Variants in HDAC4 observed in about 807,000 individuals in gnomAD.
HDAC4 encodes histone deacetylase A.
A neutral mutation model predicts 135.1 loss-of-function variants in HDAC4; 16 were observed. The observed-to-expected ratio is 0.12, with a 90% confidence interval of 0.08 to 0.18. HDAC4 has a LOEUF of 0.18. HDAC4 is among the 10% of genes least tolerant of loss of function. The pLI is 1.00. For synonymous variants in HDAC4, 685 were observed against 653.4 expected (o/e 1.05, Z -0.74); for missense variants, 1,143 against 1,511.8 (o/e 0.76, Z 4.05).
rs2039044262 is a variant in HDAC4 at position 239,115,451 on chromosome 2, G to A, written c.1534-141C>T. 1 of 1,024,594 alleles carries A rather than the reference G, an allele frequency of 9.8e-7. No homozygotes were observed. Among genetic ancestry groups the A allele is most frequent in the Non-Finnish European group, 1.4e-6 (1 of 701,460 alleles). The allele number at this position is 1,024,594 out of a possible 1,614,324, so 63.5% of individuals were successfully genotyped here. A position where few individuals can be genotyped will look rare whatever the true frequency, so the allele number is the denominator to read the frequency against. The stretch of plus-strand genomic sequence containing the variant: ...CACCTTATCACCCTGCCACAGGCCA[G>A]CAGGCACCTTTATCTCCCAACAGGC... On this transcript the variant is annotated intron_variant, in intron 12 of 26. Transcript: ENST00000543185. This position sits in a 1 kb window ranked among gnomAD's most constrained non-coding sequence, Gnocchi z 6.3.
chr2:239,249,922 G>A (rs936648567), intron 2 of HDAC4, among the ~76,000 whole-genome samples: 11 of 152,296 alleles, frequency 7.2e-5, no homozygotes, highest in East Asian at 5.8e-4. Flanking sequence ...TGGTTCTGCC[G>A]TCTCTCACCC....
rs768199080 is a variant in HDAC4, at chr2:239,084,249, G to A, written c.2445-7C>T. 1.2e-6 allele frequency: 2 copies of A among 1,605,534 alleles called. No homozygotes were observed. The highest frequency in any genetic ancestry group is 4.5e-5 in the East Asian group (2 of 44,568). ...GTTGAAGTAGCAAAAGCCCCTGCGG[G>A]AGAGAACTGACGCTGGAGACGAAGC... is the stretch of plus-strand genomic sequence containing the variant. On this transcript the variant is annotated splice_polypyrimidine_tract_variant and splice_region_variant and intron_variant, in intron 19 of 26. Coordinates refer to ENST00000543185, the MANE Select transcript of HDAC4 (RefSeq NM_001378414.1).
At chr2:239,121,467 G>A (rs2039684919) in intron 12 of HDAC4, among the ~76,000 whole-genome samples, 1 of 152,218 alleles carries the variant, frequency 6.6e-6, no homozygotes, top group Non-Finnish European at 1.5e-5. Context: ...CTGTGCATCA[G>A]GAGACCTCCC....
intron 3 of HDAC4, among the ~76,000 whole-genome samples, chr2:239,215,828 G>A (rs1258194613): frequency 1.3e-5 from 2 of 152,200 alleles, no homozygotes; most frequent in African/African-American, 2.4e-5. Flanking sequence ...GGGGGTCTGC[G>A]AATCTTGGTT....
chr2:239,326,096 A>G (rs544625949), intron 2 of HDAC4, among the ~76,000 whole-genome samples: 50 of 152,292 alleles, frequency 3.3e-4, no homozygotes, highest in African/African-American at 1.2e-3. Flanking sequence ...ATTAGTCACA[A>G]TGGCCAAAAA....
rs374987780 is a variant in HDAC4, at chr2:239,082,244, T to A, written c.2533-23A>T. 356 of 1,614,020 alleles carry A rather than the reference T, an allele frequency of 2.2e-4. 1 individual carries two copies. Among genetic ancestry groups the A allele is most frequent in the Non-Finnish European group, 2.9e-4 (339 of 1,180,004 alleles). ...GTCCTTAAAGAGCAGGGACAACTAC[T>A]TCAGGGCTGAGGCAGGTATTGGAGG... On this transcript the variant is annotated intron_variant, in intron 20 of 26. Coordinates refer to ENST00000543185, the MANE Select transcript of HDAC4 (RefSeq NM_001378414.1).
At chr2:239,391,029 T>C (rs888783454) in intron 1 of HDAC4, among the ~76,000 whole-genome samples, 3 of 152,232 alleles carry the variant, frequency 2.0e-5, no homozygotes, top group South Asian at 2.1e-4. Flanking sequence ...CGTGGCACAG[T>C]GTCCATCAGA....
Position 239,167,616 on chromosome 2 carries a change from C to T in HDAC4, c.491-3693G>A, listed in dbSNP as rs543552110. ...GATTCTGACCCCCACCCCGTTTCTGCACTTCTGGTTATGCACACGCTCATC... is the reference window on the plus strand; with the variant it reads ...GATTCTGACCCCCACCCCGTTTCTGTACTTCTGGTTATGCACACGCTCATC... On this transcript the variant is annotated intron_variant, in intron 5 of 26. Transcript: ENST00000543185. The surrounding 1 kb of genome is among the most constrained non-coding windows in gnomAD (Gnocchi z 4.1). Among the ~76,000 whole-genome samples, 26 of 152,314 alleles carry T rather than the reference C, an allele frequency of 1.7e-4. No individual in the cohort carries two copies. The highest frequency in any genetic ancestry group is 3.4e-4 in the Non-Finnish European group (23 of 68,028).
rs75703262 is a variant in HDAC4 at position 239,314,273 on chromosome 2, C to T, written c.22+38405G>A. 3.8e-3 allele frequency among the ~76,000 whole-genome samples: 577 copies of T among 152,256 alleles called. 4 individuals carry two copies. The highest frequency in any genetic ancestry group is 0.013 in the African/African-American group (545 of 41,540). On this transcript the variant is annotated intron_variant, in intron 2 of 26. Transcript: ENST00000543185. ...AACCATGGGTAGCGGGAGTAAGTCC[C>T]GGAAAGACCTCAGTTGTAGGAAAAT...
chr2:239,279,840 C>T (rs918646375), intron 2 of HDAC4, among the ~76,000 whole-genome samples: 11 of 152,230 alleles, frequency 7.2e-5, no homozygotes, highest in Non-Finnish European at 1.3e-4. Context: ...CCAGCTCTCA[C>T]CGGGCTTCTC....
rs140996932 is a variant in HDAC4 at position 239,070,876 on chromosome 2, C to T, written c.2751-2269G>A. 2.7e-3 allele frequency among the ~76,000 whole-genome samples: 407 copies of T among 151,900 alleles called. 3 individuals are homozygous for T. The highest frequency in any genetic ancestry group is 8.5e-3 in the African/African-American group (353 of 41,432). ...GTGACCGCAGCCATTTAGTCCCTCC[C>T]GAAAGGACTGAGTGTCCTGGGAATC... On this transcript the variant is annotated intron_variant, in intron 22 of 26. Coordinates refer to ENST00000543185, the MANE Select transcript of HDAC4 (RefSeq NM_001378414.1).
intron 3 of HDAC4, among the ~76,000 whole-genome samples, chr2:239,229,223 T>C (rs1384774619): frequency 6.6e-6 from 1 of 152,180 alleles, no homozygotes; most frequent in Non-Finnish European, 1.5e-5. Flanking sequence ...CAAAAGTGAC[T>C]CTTAAAGCAT....
At chr2:239,283,503 A>G (rs1276771666) in intron 2 of HDAC4, among the ~76,000 whole-genome samples, 3 of 152,250 alleles carry the variant, frequency 2.0e-5, no homozygotes, top group Non-Finnish European at 4.4e-5. Context: ...CACTGCCGGC[A>G]GAGGCTAGAA....
chr2:239,078,697 C>T (rs1407924641), intron 22 of HDAC4, among the ~76,000 whole-genome samples: 1 of 152,202 alleles, frequency 6.6e-6, no homozygotes, highest in Non-Finnish European at 1.5e-5. Context: ...CTGGGCCGGC[C>T]GGGGCCTGGG....
In HDAC4 at chr2:239,084,188, C is replaced by T. The variant is rs760145533; in HGVS notation, c.2499G>A (p.Arg833=). The T allele has an allele frequency of 1.2e-6, 2 of 1,613,600 alleles. No homozygotes were observed. The highest frequency in any genetic ancestry group is 4.5e-5 in the East Asian group (2 of 44,862). ...VAVAAKLLQQ[R]LSVSKILIVD... ...CGATGAGGATCTTGCTCACGCTCAA[C>T]CTCTGCTGCAGAAGCTTGGCTGCCA... The change falls in exon 20 of 27, where the codon AGG becomes AGA. Residue 833 remains arginine (R), a synonymous_variant. Coordinates refer to ENST00000543185, the MANE Select transcript of HDAC4 (RefSeq NM_001378414.1).
rs548791627 is a variant in HDAC4, at chr2:239,260,545, C to T, written c.23-23881G>A. Reference sequence around the variant, plus strand: ...GGCCTGCTGGCCTCATCTCTCTTCCCGCCAGCAATCCCAACACTGTAGCCT... The same window carrying T: ...GGCCTGCTGGCCTCATCTCTCTTCCTGCCAGCAATCCCAACACTGTAGCCT... On this transcript the variant is annotated intron_variant, in intron 2 of 26. Coordinates refer to ENST00000543185, the MANE Select transcript of HDAC4 (RefSeq NM_001378414.1). Among the ~76,000 whole-genome samples, 13 of 152,292 alleles carry T rather than the reference C, an allele frequency of 8.5e-5. No individual in the cohort carries two copies. The East Asian group carries it at 2.3e-3, about 27-fold the overall frequency.
intron 1 of HDAC4, among the ~76,000 whole-genome samples, chr2:239,378,264 G>A (rs1302283850): frequency 6.6e-6 from 1 of 152,156 alleles, no homozygotes; most frequent in Non-Finnish European, 1.5e-5. Context: ...GAGCACCCAG[G>A]CACATAAAGT....
intron 3 of HDAC4, among the ~76,000 whole-genome samples, chr2:239,216,400 G>GCGATGAGGAGGAAGA (rs1475845195): frequency 6.6e-6 from 1 of 152,108 alleles, no homozygotes; most frequent in Non-Finnish European, 1.5e-5. Context: ...AAGACAACTG[G>GCGATGAGGAGGAAGA]CGATGAGGAG....
chr2:239,398,164 G>C (rs1696692329), intron 1 of HDAC4, among the ~76,000 whole-genome samples: 1 of 152,254 alleles, frequency 6.6e-6, no homozygotes. Flanking sequence ...AGTTCTCTCG[G>C]CCTCTGCGGC....
Sources: gnomAD v4.1 joint callset for allele counts (sites outside exome capture counted in the v4.1 genomes callset) on GRCh38, gnomAD v4.1.1 for gene constraint, Gnocchi (gnomAD v3.1) non-coding constraint, MANE v1.5 for transcripts, NCBI Gene and HGNC (gene_info 2026-07-23, HGNC 2026-07-21) for gene names.